Variants in RNF180 observed in about 807,000 individuals in gnomAD.
RNF180 encodes E3 ubiquitin-protein ligase RNF180.
RNF180 carries 38 observed loss-of-function variants against 59.2 expected under a neutral mutation model. The ratio of observed to expected loss-of-function variants is 0.64; its 90% confidence interval spans 0.50 to 0.84. RNF180 has a LOEUF of 0.84. Ranked by LOEUF, RNF180 falls within the 40% of genes least tolerant of loss-of-function variation. The pLI, the probability that RNF180 is intolerant of heterozygous loss-of-function variation, is 0.00. For missense variants in RNF180, 705 were observed against 700.9 expected (o/e 1.01, Z -0.07); for synonymous variants, 262 against 240.3 (o/e 1.09, Z -0.84).
chr5:64,202,557 T>A (rs1751807861), intron 2 of RNF180, among the ~76,000 whole-genome samples: 1 of 152,158 alleles, frequency 6.6e-6, no homozygotes, highest in East Asian at 1.9e-4. Context: ...CTTAAGAAAT[T>A]GTTAGTAGTT....
intron 5 of RNF180, among the ~76,000 whole-genome samples, chr5:64,245,764 G>A (rs1175528123): frequency 2.0e-5 from 3 of 152,094 alleles, no homozygotes. Context: ...GGACCAAGTG[G>A]ATCTAATAGA....
chr5:64,243,724 C>T (rs1222573200), intron 5 of RNF180, among the ~76,000 whole-genome samples: 7 of 152,322 alleles, frequency 4.6e-5, no homozygotes, highest in African/African-American at 1.4e-4. Context: ...TCTCCCATCA[C>T]AGTGCTCAAG....
intron 5 of RNF180, among the ~76,000 whole-genome samples, chr5:64,250,485 G>GT (rs753789961): frequency 1.3e-5 from 2 of 151,774 alleles, no homozygotes; most frequent in Non-Finnish European, 2.9e-5. Context: ...AATATTGGGG[G>GT]TTTTTTTAAA....
intron 2 of RNF180, among the ~76,000 whole-genome samples, chr5:64,205,743 A>G (rs1432596998): frequency 6.6e-6 from 1 of 152,144 alleles, no homozygotes; most frequent in Non-Finnish European, 1.5e-5. Context: ...TTCCTATCAT[A>G]CAGGAACATT....
chr5:64,165,638 G>A (rs2111829955), upstream of RNF180, among the ~76,000 whole-genome samples: 1 of 152,302 alleles, frequency 6.6e-6, no homozygotes, highest in Middle Eastern at 3.4e-3. Context: ...CGTCTGGCCC[G>A]CGGCGCTTGT....
rs894783432 is a variant in RNF180 at position 64,182,406 on chromosome 5, C to G, written c.-1+16453C>G. On this transcript the variant is annotated intron_variant, in intron 1 of 7. Transcript: ENST00000389100. ...TGTGAAACTAGGGTTGTTGAATTTA[C>G]TAACAGTCATGAGTAACTTCAGAAT... is the stretch of plus-strand genomic sequence containing the variant. 5.9e-5 allele frequency among the ~76,000 whole-genome samples: 9 copies of G among 152,238 alleles called. No homozygotes were observed. The East Asian group carries it at 1.7e-3, about 29-fold the overall frequency.
intron 6 of RNF180, among the ~76,000 whole-genome samples, chr5:64,330,049 G>A (rs968060992): frequency 6.6e-6 from 1 of 152,138 alleles, no homozygotes; most frequent in Non-Finnish European, 1.5e-5. Context: ...GAGCTACTCA[G>A]TAGATTTATG....
intron 5 of RNF180, among the ~76,000 whole-genome samples, chr5:64,285,863 G>A (rs1378842181): frequency 1.3e-5 from 2 of 152,098 alleles, no homozygotes; most frequent in Non-Finnish European, 2.9e-5. Context: ...TGCCAGACCC[G>A]CTGTGCTCCT....
At position 64,182,931 on chromosome 5, in the gene RNF180, G is replaced by A. The variant is rs148613647; in HGVS notation, c.-1+16978G>A. Among the ~76,000 whole-genome samples the A allele has an allele frequency of 3.1e-3, 476 of 152,320 alleles. 2 individuals are homozygous for A. The highest frequency in any genetic ancestry group is 0.01 in the African/African-American group (428 of 41,556). Reference sequence around the variant, plus strand: ...TGTCACGTAAAAGGTGATCAAGACTGAATATAGATCTTGACATTCCATCTC... The same window carrying A: ...TGTCACGTAAAAGGTGATCAAGACTAAATATAGATCTTGACATTCCATCTC... On this transcript the variant is annotated intron_variant, in intron 1 of 7. Coordinates refer to ENST00000389100, the MANE Select transcript of RNF180 (RefSeq NM_001113561.2).
intron 5 of RNF180, among the ~76,000 whole-genome samples, chr5:64,268,027 G>A (rs555552388): frequency 2.0e-5 from 3 of 152,186 alleles, no homozygotes; most frequent in African/African-American, 7.2e-5. Flanking sequence ...CTCTCCCCTT[G>A]CATTTTATCC....
rs540582802 is a variant in RNF180 at position 64,185,623 on chromosome 5, T to A, written c.1-15185T>A. ...TAAAGAATGTGGTTTATACCTGATA[T>A]GTTTGGATTTCCTTTCAATGCCCAA... On this transcript the variant is annotated intron_variant, in intron 1 of 7. Transcript: ENST00000389100. Among the ~76,000 whole-genome samples the A allele has an allele frequency of 2.6e-5, 4 of 152,342 alleles. No individual in the cohort carries two copies. The East Asian group carries it at 7.7e-4, about 29-fold the overall frequency.
intron 7 of RNF180, among the ~76,000 whole-genome samples, chr5:64,341,900 C>T (rs939072612): frequency 6.6e-6 from 1 of 152,040 alleles, no homozygotes; most frequent in African/African-American, 2.4e-5. Flanking sequence ...GACACAGTAG[C>T]AAAAGGTAGC....
chr5:64,340,999 TTTTTAGTC>T (rs1403663968), intron 7 of RNF180, among the ~76,000 whole-genome samples: 7 of 152,104 alleles, frequency 4.6e-5, no homozygotes, highest in Admixed American at 4.6e-4. Flanking sequence ...ACACTCACAA[TTTTTAGTC>T]TTTTCATTAT....
rs1443741489 is a variant in RNF180, at chr5:64,214,302, A to G, written c.976A>G (p.Thr326Ala). 1.2e-6 allele frequency: 2 copies of G among 1,614,100 alleles called. No individual in the cohort carries two copies. The highest frequency in any genetic ancestry group is 1.7e-6 in the Non-Finnish European group (2 of 1,180,006). ...TTCAGTGTATTCTGACCATACTAATACTAACAATCTGACTTTCCTGATGGA... is the reference window on the plus strand; with the variant it reads ...TTCAGTGTATTCTGACCATACTAATGCTAACAATCTGACTTTCCTGATGGA... Reference protein sequence around the residue: ...AASVYSDHTNTNNLTFLMDLP... With the variant: ...AASVYSDHTNANNLTFLMDLP... The change falls in exon 4 of 8, where the codon ACT (threonine) becomes GCT (alanine). Residue 326 changes from threonine to alanine, a missense_variant. Thr to Ala is a moderately conservative substitution (Grantham distance 58). Coordinates refer to ENST00000389100, the MANE Select transcript of RNF180 (RefSeq NM_001113561.2).
At chr5:64,258,970 TAGC>T (rs770931735) in intron 5 of RNF180, among the ~76,000 whole-genome samples, 13 of 152,166 alleles carry the variant, frequency 8.5e-5, no homozygotes, top group East Asian at 1.9e-4. Flanking sequence ...TTTTAAGTGA[TAGC>T]AGACAAGAGG....
chr5:64,272,584 A>G (rs1741474782), intron 5 of RNF180, among the ~76,000 whole-genome samples: 1 of 152,116 alleles, frequency 6.6e-6, no homozygotes, highest in East Asian at 1.9e-4. Flanking sequence ...TAAGAATGAC[A>G]GTTTGAAAAA....
rs1445813117 is a variant in RNF180, at chr5:64,370,120, A to G, written c.*306A>G. ...TTAATACTTATTTTGATTGTAAAAA[A>G]CTGAAGTTTTCTCTCCACTTAAAAA... On this transcript the variant is annotated 3_prime_UTR_variant, in exon 8 of 8. Coordinates refer to ENST00000389100, the MANE Select transcript of RNF180 (RefSeq NM_001113561.2). 2 of 174,980 alleles carry G rather than the reference A, an allele frequency of 1.1e-5. No individual in the cohort carries two copies. The highest frequency in any genetic ancestry group is 2.4e-5 in the Non-Finnish European group (2 of 83,590). The allele number at this position is 174,980 out of a possible 1,614,324, so 10.8% of individuals were successfully genotyped here. A position where few individuals can be genotyped will look rare whatever the true frequency, so the allele number is the denominator to read the frequency against.
At chr5:64,167,723 T>C (rs1294379140) in intron 1 of RNF180, among the ~76,000 whole-genome samples, 2 of 152,108 alleles carry the variant, frequency 1.3e-5, no homozygotes, top group African/African-American at 4.8e-5. Context: ...AGCATAAAGA[T>C]TAAAAATTTC....
At chr5:64,269,423 C>T (rs890301216) in intron 5 of RNF180, among the ~76,000 whole-genome samples, 1 of 152,168 alleles carries the variant, frequency 6.6e-6, no homozygotes, top group Non-Finnish European at 1.5e-5. Context: ...TCATTGCCAG[C>T]AGCAGCACAC....
Sources: gnomAD v4.1 joint callset for allele counts (sites outside exome capture counted in the v4.1 genomes callset) on GRCh38, gnomAD v4.1.1 for gene constraint, MANE v1.5 for transcripts, NCBI Gene and HGNC (gene_info 2026-07-23, HGNC 2026-07-21) for gene names.